Variants in SPSB4 observed in about 807,000 individuals in gnomAD.
SPSB4 encodes splA/ryanodine receptor domain and SOCS box containing 4.
Under a neutral mutation model 20.9 loss-of-function variants are expected in SPSB4, and 21 were observed. The ratio of observed to expected loss-of-function variants is 1.01; its 90% CI spans 0.71 to 1.45. The LOEUF is 1.45. Among genes scored for constraint, SPSB4 ranks in the 40% most tolerant of loss-of-function variants. The probability of loss-of-function intolerance (pLI) is 0.00; values close to 1 mark genes in which losing one functional copy is unlikely to be tolerated. For synonymous variants in SPSB4, 207 were observed against 183.8 expected (o/e 1.13, Z -1.02); for missense variants, 399 against 399.2 (o/e 1.00, Z 0.00).
chr3:141,118,341 GTTTT>G (rs1300116009), intron 2 of SPSB4, among the ~76,000 whole-genome samples: 1 of 152,064 alleles, frequency 6.6e-6, no homozygotes, highest in Non-Finnish European at 1.5e-5. Context: ...TGATGGGGTT[GTTTT>G]TTTCATGTAA....
chr3:141,130,847 G>T (rs951026756), intron 2 of SPSB4, among the ~76,000 whole-genome samples: 4 of 152,176 alleles, frequency 2.6e-5, no homozygotes, highest in Non-Finnish European at 5.9e-5. Context: ...TTGTGCAGGT[G>T]GTCAGTGATG....
chr3:141,134,387 C>A (rs1315271923), intron 2 of SPSB4, among the ~76,000 whole-genome samples: 4 of 152,058 alleles, frequency 2.6e-5, no homozygotes, highest in Non-Finnish European at 4.4e-5. Flanking sequence ...GCATCCTTGT[C>A]TCGTTCTAGT....
At chr3:141,130,707 C>G (rs191767532) in intron 2 of SPSB4, among the ~76,000 whole-genome samples, 4 of 135,498 alleles carry the variant, frequency 3.0e-5, no homozygotes, top group Non-Finnish European at 6.5e-5. Flanking sequence ...GCTTAAGCCA[C>G]CAATCTCTGC....
intron 2 of SPSB4, among the ~76,000 whole-genome samples, chr3:141,132,565 G>C (rs1474837315): frequency 6.6e-6 from 1 of 152,058 alleles, no homozygotes; most frequent in African/African-American, 2.4e-5. Context: ...ACTTCTCTTA[G>C]AATAATGGTC....
At chr3:141,145,099 C>T (rs1463703519) in intron 2 of SPSB4, among the ~76,000 whole-genome samples, 1 of 151,904 alleles carries the variant, frequency 6.6e-6, no homozygotes, top group East Asian at 1.9e-4. Context: ...CTGGGCTTCC[C>T]CTGTCCAGCC....
intron 2 of SPSB4, among the ~76,000 whole-genome samples, chr3:141,078,499 G>A (rs910887474): frequency 6.6e-6 from 1 of 152,204 alleles, no homozygotes; most frequent in Admixed American, 6.5e-5. Context: ...TAGGGCAGAA[G>A]CAAGGATCAG....
chr3:141,082,701 T>G (rs1938261065), intron 2 of SPSB4, among the ~76,000 whole-genome samples: 1 of 152,128 alleles, frequency 6.6e-6, no homozygotes, highest in African/African-American at 2.4e-5. Context: ...TGTGAAGTGT[T>G]AATAATATCC....
chr3:141,059,533 A>C (rs1937724239), intron 1 of SPSB4, among the ~76,000 whole-genome samples: 1 of 152,026 alleles, frequency 6.6e-6, no homozygotes, highest in Non-Finnish European at 1.5e-5. Context: ...TTAAATGAGC[A>C]GATATCTCTC....
intron 2 of SPSB4, among the ~76,000 whole-genome samples, chr3:141,139,911 T>A (rs1374988845): frequency 6.6e-6 from 1 of 152,222 alleles, no homozygotes; most frequent in Non-Finnish European, 1.5e-5. Context: ...TTCTCCTGGA[T>A]AATATCCTGC....
chr3:141,069,019 T>C (rs374843308), intron 2 of SPSB4, among the ~76,000 whole-genome samples: 2 of 152,312 alleles, frequency 1.3e-5, no homozygotes, highest in African/African-American at 2.4e-5. Context: ...GGCAGTGATT[T>C]TTCAGGTTGG....
chr3:141,129,826 A>G (rs1200119235), intron 2 of SPSB4, among the ~76,000 whole-genome samples: 2 of 152,188 alleles, frequency 1.3e-5, no homozygotes, highest in African/African-American at 4.8e-5. Context: ...GCCATGCATT[A>G]TTTAGGACTA....
At chr3:141,077,255 A>C (rs1417425710) in intron 2 of SPSB4, 1 of 152,222 alleles carries the variant, frequency 6.6e-6, no homozygotes, top group East Asian at 1.9e-4. Context: ...AGCTTGGAAA[A>C]TACTGCCGTG....
At position 141,120,740 on chromosome 3, in the gene SPSB4, CT is replaced by C. The variant is rs1222832976; in HGVS notation, c.695-26395del. 6.6e-5 allele frequency among the ~76,000 whole-genome samples: 10 copies of C among 152,136 alleles called. No homozygotes were observed. In the East Asian group the frequency reaches 1.4e-3, roughly 21 times the overall value. The stretch of plus-strand genomic sequence containing the variant: ...CAGAGACTAGGATTGCGACCCCTGC[CT>C]TTTTTTGTTTTCCATTTGCTTGGTA... On this transcript the variant is annotated intron_variant, in intron 2 of 2. Transcript: ENST00000310546.
chr3:141,055,430 A>C (rs1937620886), intron 1 of SPSB4, among the ~76,000 whole-genome samples: 1 of 152,166 alleles, frequency 6.6e-6, no homozygotes, highest in East Asian at 1.9e-4. Context: ...GGAAGAAATA[A>C]GAGCAGCCTG....
chr3:141,063,848 G>A (rs186291376), intron 1 of SPSB4, among the ~76,000 whole-genome samples: 142 of 152,368 alleles, frequency 9.3e-4, no homozygotes, highest in African/African-American at 3.1e-3. Flanking sequence ...TGGTTCCCAG[G>A]AACTTTGTTC....
rs564492999 is a variant in SPSB4 at position 141,092,064 on chromosome 3, A to C, written c.694+25266A>C. Among the ~76,000 whole-genome samples the C allele has an allele frequency of 3.6e-3, 549 of 152,330 alleles. 5 individuals are homozygous for C. The highest frequency in any genetic ancestry group is 0.012 in the African/African-American group (518 of 41,584). On this transcript the variant is annotated intron_variant, in intron 2 of 2. Coordinates refer to ENST00000310546, the MANE Select transcript of SPSB4 (RefSeq NM_080862.3). Reference sequence around the variant, plus strand: ...AAGCTATGAACCCAGAGCTGGCAGCATGGGGACAGGCAAGGTCTGGATTTG... The same window carrying C: ...AAGCTATGAACCCAGAGCTGGCAGCCTGGGGACAGGCAAGGTCTGGATTTG...
rs371073754 is a variant in SPSB4, at chr3:141,131,283, G to T, written c.695-15859G>T. ...CTTCCCCCTACTTTTTCCCATTAGG[G>T]CAGGCAGGCAAATGCTTCACTTGTG... On this transcript the variant is annotated intron_variant, in intron 2 of 2. Transcript: ENST00000310546. Among the ~76,000 whole-genome samples the T allele has an allele frequency of 4.6e-5, 7 of 152,142 alleles. No homozygotes were observed. In the South Asian group the frequency reaches 8.3e-4, roughly 18 times the overall value.
At chr3:141,135,476 C>A (rs1406819599) in intron 2 of SPSB4, among the ~76,000 whole-genome samples, 1 of 151,626 alleles carries the variant, frequency 6.6e-6, no homozygotes, top group Non-Finnish European at 1.5e-5. Flanking sequence ...AGGTATATCT[C>A]CTAATGATAT....
rs776582358 is a variant in SPSB4 at position 141,066,684 on chromosome 3, G to T, written c.580G>T (p.Gly194Cys). 45 of 1,613,286 alleles carry T rather than the reference G, an allele frequency of 2.8e-5. No homozygotes were observed. The highest frequency in any genetic ancestry group is 3.6e-5 in the Non-Finnish European group (43 of 1,179,822). ...GGGCACACTCAGCTTCATCGTGGATGGCCAGTACCTGGGCGTGGCCTTCCG... is the reference window on the plus strand; with the variant it reads ...GGGCACACTCAGCTTCATCGTGGATTGCCAGTACCTGGGCGTGGCCTTCCG... ...DEGTLSFIVD[G>C]QYLGVAFRGL... is the part of the protein sequence containing the mutation. The change falls in exon 2 of 3, where the codon GGC (glycine) becomes TGC (cysteine). Residue 194 changes from glycine to cysteine, a missense_variant. Physicochemically the swap from Gly to Cys is radical, Grantham distance 159 (BLOSUM62 -3). Coordinates refer to ENST00000310546, the MANE Select transcript of SPSB4 (RefSeq NM_080862.3).
Sources: allele counts gnomAD v4.1 joint callset (sites outside exome capture counted in the v4.1 genomes callset), GRCh38; gene constraint gnomAD v4.1.1; transcripts MANE v1.5; gene names NCBI Gene and HGNC (gene_info 2026-07-23, HGNC 2026-07-21).